Variants in CACNB4 observed in about 807,000 individuals in gnomAD.
The protein encoded by CACNB4 is voltage-dependent L-type calcium channel subunit beta-4.
CACNB4 carries 32 observed loss-of-function variants against 71.2 expected under a neutral mutation model. That is an observed-to-expected ratio of 0.45 (90% CI 0.34 to 0.60). The LOEUF (loss-of-function observed/expected upper bound fraction) is 0.60, where lower values mean the gene tolerates loss of function less well. Among genes scored for constraint, CACNB4 ranks in the 20% least tolerant of loss-of-function variants. CACNB4 has a pLI of 0.01. For synonymous variants in CACNB4, 231 were observed against 236.9 expected (o/e 0.97, Z 0.23); for missense variants, 464 against 647.9 (o/e 0.72, Z 3.08).
rs557200182 is a variant in CACNB4, at chr2:151,847,786, T to C, written c.1116+5662A>G. ...CTGTAGTCCCAGCTACTTGGGAGGC[T>C]GAGGCAGGAGAATCGCTTGAACCCA... On this transcript the variant is annotated intron_variant, in intron 12 of 13. Coordinates refer to ENST00000539935, the MANE Select transcript of CACNB4 (RefSeq NM_000726.5). Among the ~76,000 whole-genome samples, 440 of 152,266 alleles carry C rather than the reference T, an allele frequency of 2.9e-3. 3 individuals are homozygous for C. Among genetic ancestry groups the C allele is most frequent in the Non-Finnish European group, 5.4e-3 (369 of 68,018 alleles).
chr2:152,011,926 T>C lies in CACNB4; in HGVS notation c.147+86404A>G, dbSNP rs1056816560. Among the ~76,000 whole-genome samples, 3 of 152,198 alleles carry C rather than the reference T, an allele frequency of 2.0e-5. No individual in the cohort carries two copies. In the South Asian group the frequency reaches 6.2e-4, roughly 32 times the overall value. ...ATAGCATGAGGCATTACTCAGGTTT[T>C]TGTGACGATGCTAGTGTAAACAAAC... On this transcript the variant is annotated intron_variant, in intron 2 of 13. Transcript: ENST00000539935.
intron 2 of CACNB4, among the ~76,000 whole-genome samples, chr2:152,043,267 T>C (rs926276083): frequency 6.6e-6 from 1 of 152,206 alleles, no homozygotes; most frequent in East Asian, 1.9e-4. Flanking sequence ...ACTTTATGGA[T>C]TTGCTTCTAA....
intron 2 of CACNB4, among the ~76,000 whole-genome samples, chr2:152,054,263 G>T (rs1415914168): frequency 6.6e-6 from 1 of 151,546 alleles, no homozygotes; most frequent in Non-Finnish European, 1.5e-5. Flanking sequence ...CTACACGGGA[G>T]GCTGAGGCAG....
At chr2:151,959,046 C>T (rs150155637) in intron 2 of CACNB4, among the ~76,000 whole-genome samples, 5 of 152,264 alleles carry the variant, frequency 3.3e-5, no homozygotes, top group African/African-American at 9.6e-5. Context: ...CTAAGGACCT[C>T]GAGGAAGGCC....
chr2:151,942,748 A>T (rs1016854479), intron 2 of CACNB4, among the ~76,000 whole-genome samples: 1 of 152,174 alleles, frequency 6.6e-6, no homozygotes, highest in Non-Finnish European at 1.5e-5. Flanking sequence ...TATGCGGTTG[A>T]GATAAGGACT....
At chr2:151,869,276 C>CAG (rs143110116) in intron 8 of CACNB4, 41 bp from the exon 9 acceptor site, 68 of 1,162,194 alleles carry the variant, frequency 5.9e-5, no homozygotes, top group African/African-American at 1.4e-4. Flanking sequence ...CAAACACATG[C>CAG]AGAGAGAGAG....
intron 2 of CACNB4, chr2:151,969,561 AT>A (rs1228317980): frequency 1.3e-5 from 2 of 152,204 alleles, no homozygotes; most frequent in Non-Finnish European, 2.9e-5. Context: ...CACAGTAGAC[AT>A]CTCCCACTTA....
At chr2:151,932,427 G>A (rs2099861852) in intron 2 of CACNB4, among the ~76,000 whole-genome samples, 1 of 152,154 alleles carries the variant, frequency 6.6e-6, no homozygotes, top group South Asian at 2.1e-4. Flanking sequence ...CTTCACCAGT[G>A]GAGCTCGAGG....
chr2:151,900,428 G>A (rs566051721), intron 2 of CACNB4, among the ~76,000 whole-genome samples: 14 of 152,236 alleles, frequency 9.2e-5, no homozygotes, highest in African/African-American at 3.4e-4. Context: ...TGGGGGCAGA[G>A]AAAACGTTGC....
intron 2 of CACNB4, among the ~76,000 whole-genome samples, chr2:152,020,716 T>C (rs897175065): frequency 1.3e-5 from 2 of 152,054 alleles, no homozygotes; most frequent in African/African-American, 4.8e-5. Flanking sequence ...AATTAACAGG[T>C]GGCGATGCTG....
At chr2:151,898,863 G>A (rs916500698) in intron 2 of CACNB4, among the ~76,000 whole-genome samples, 2 of 152,172 alleles carry the variant, frequency 1.3e-5, no homozygotes, top group African/African-American at 4.8e-5. Context: ...TGTGATGATG[G>A]GCATAGAGTG....
chr2:151,968,275 G>A (rs1186974827), intron 2 of CACNB4: 5 of 152,178 alleles, frequency 3.3e-5, no homozygotes, highest in Non-Finnish European at 4.4e-5. Flanking sequence ...AGCTGTTGCT[G>A]TTTTCACAGC....
intron 5 of CACNB4, chr2:151,873,139 T>C (rs2099845065): frequency 6.6e-6 from 1 of 152,236 alleles, no homozygotes; most frequent in Non-Finnish European, 1.5e-5. Context: ...GTTATTTTAT[T>C]CAACAAATAT....
chr2:152,083,112 T>C (rs1687450851), intron 2 of CACNB4, among the ~76,000 whole-genome samples: 1 of 152,120 alleles, frequency 6.6e-6, no homozygotes, highest in African/African-American at 2.4e-5. Context: ...CTCAATCTCA[T>C]CTCTAGGTAG....
chr2:152,004,377 C>T (rs577121105), intron 2 of CACNB4, among the ~76,000 whole-genome samples: 2 of 152,232 alleles, frequency 1.3e-5, no homozygotes, highest in Admixed American at 1.3e-4. Flanking sequence ...CCCTTCTGTG[C>T]AACTTAATTT....
At chr2:152,006,791 C>T (rs754101520) in intron 2 of CACNB4, among the ~76,000 whole-genome samples, 1 of 152,158 alleles carries the variant, frequency 6.6e-6, no homozygotes, top group African/African-American at 2.4e-5. Flanking sequence ...ATCGTCATGG[C>T]AGCTGAATAT....
At chr2:151,856,259 A>G (rs541165277) in intron 10 of CACNB4, among the ~76,000 whole-genome samples, 2 of 151,622 alleles carry the variant, frequency 1.3e-5, no homozygotes, top group South Asian at 4.2e-4. Context: ...GACTTATTGG[A>G]TCATGCCCAA....
chr2:152,003,895 A>T (rs943838224), intron 2 of CACNB4, among the ~76,000 whole-genome samples: 2 of 151,088 alleles, frequency 1.3e-5, no homozygotes, highest in Non-Finnish European at 2.9e-5. Context: ...CCCAGGCTGG[A>T]GTGCAATGGT....
intron 2 of CACNB4, among the ~76,000 whole-genome samples, chr2:151,933,651 C>A (rs1260604062): frequency 1.3e-5 from 2 of 152,124 alleles, no homozygotes; most frequent in African/African-American, 4.8e-5. Context: ...TCAGGCTCCC[C>A]CTCACAGGCC....
Sources: gnomAD v4.1 joint callset for allele counts (sites outside exome capture counted in the v4.1 genomes callset) on GRCh38, gnomAD v4.1.1 for gene constraint, MANE v1.5 for transcripts, NCBI Gene and HGNC (gene_info 2026-07-23, HGNC 2026-07-21) for gene names.